ZKSCAN7: variants seen among roughly 807,000 people sequenced by gnomAD.
The protein encoded by ZKSCAN7 is zinc finger protein with KRAB and SCAN domains 7.
A neutral mutation model predicts 65.3 loss-of-function variants in ZKSCAN7; 38 were observed. The observed-to-expected ratio is 0.58, with a 90% CI of 0.45 to 0.76. ZKSCAN7 has a LOEUF of 0.76. Ranked by LOEUF, ZKSCAN7 falls within the 30% of genes least tolerant of loss-of-function variation. The pLI is 0.00. For synonymous variants in ZKSCAN7, 321 were observed against 321.0 expected (o/e 1.00, Z 0.00); for missense variants, 815 against 913.3 (o/e 0.89, Z 1.39).
chr3:44,581,796 C>T (rs994562926), intron 5 of ZKSCAN7, among the ~76,000 whole-genome samples: 3 of 152,186 alleles, frequency 2.0e-5, no homozygotes, highest in Admixed American at 6.5e-5. Flanking sequence ...CAGCCAAACC[C>T]TTATCATAAA....
At chr3:44,579,125 T>A (rs1168946173) in intron 5 of ZKSCAN7, among the ~76,000 whole-genome samples, 1 of 151,912 alleles carries the variant, frequency 6.6e-6, no homozygotes, top group Non-Finnish European at 1.5e-5. Context: ...CCACCGCTGC[T>A]CGATCTCCAC....
chr3:44,562,546 G>A (rs1699505333), intron 2 of ZKSCAN7, among the ~76,000 whole-genome samples: 1 of 152,114 alleles, frequency 6.6e-6, no homozygotes, highest in African/African-American at 2.4e-5. Flanking sequence ...CCACATGGCC[G>A]GGCTACAAAT....
chr3:44,569,094 T>C (rs945152301), intron 5 of ZKSCAN7, among the ~76,000 whole-genome samples: 1 of 152,252 alleles, frequency 6.6e-6, no homozygotes, highest in Non-Finnish European at 1.5e-5. Flanking sequence ...AGATGGACTT[T>C]CATTGCTATA....
In ZKSCAN7 at chr3:44,571,032, G is replaced by A. The variant is rs747931760; in HGVS notation, c.1922G>A (p.Gly641Glu). 6.2e-7 allele frequency: 1 copy of A among 1,614,180 alleles called. No individual in the cohort carries two copies. Among genetic ancestry groups the A allele is most frequent in the South Asian group, 1.1e-5 (1 of 91,082 alleles). ...AAGCCCTATAAATGCAATGAGTGTG[G>A]AAAATCCTTCAATCAAAACTCACAC... ...GEKPYKCNECGKSFNQNSHLI... is the reference protein window; with the variant it reads ...GEKPYKCNECEKSFNQNSHLI... Residue 641 changes from glycine (G) to glutamate (E), a missense_variant, in exon 6 of 6, where the codon GGA becomes GAA. Transcript: ENST00000426540.
chr3:44,572,323 C>T (rs1316737077), downstream of ZKSCAN7, among the ~76,000 whole-genome samples: 1 of 150,164 alleles, frequency 6.7e-6, no homozygotes, highest in Non-Finnish European at 1.5e-5. Context: ...ACTGTTACTT[C>T]AGCCTCAAAA....
chr3:44,557,117 C>T lies in ZKSCAN7; in HGVS notation c.70C>T (p.Arg24Cys), dbSNP rs35696191. Residue 24 changes from arginine to cysteine, a missense_variant, in exon 2 of 6, where the codon CGC (arginine) becomes TGC (cysteine). Arg to Cys is a radical substitution (Grantham distance 180). Around this residue, in one of 3 missense-constraint regions of ZKSCAN7, gnomAD observed 227 missense variants for 253.3 expected, o/e 0.90. Coordinates refer to ENST00000426540, the MANE Select transcript of ZKSCAN7 (RefSeq NM_001288590.2). ...RSTAFQKQEG[R>C]LTVKQEPANQ... ...CACTGCTTTCCAGAAGCAAGAGGGG[C>T]GCCTGACTGTGAAGCAGGAGCCAGC... The T allele has an allele frequency of 7.9e-4, 1,279 of 1,614,236 alleles. 4 individuals carry two copies. The African/African-American group carries it at 0.013, about 17-fold the overall frequency.
In ZKSCAN7 at chr3:44,555,328, G is replaced by A. The variant is rs1326208083; in HGVS notation, c.-272G>A. 6.6e-6 allele frequency: 1 copy of A among 152,250 alleles called. No homozygotes were observed. Among genetic ancestry groups the A allele is most frequent in the Non-Finnish European group, 1.5e-5 (1 of 68,050 alleles). The allele number at this position is 152,250 out of a possible 1,614,324, so 9.4% of individuals were successfully genotyped here. On this transcript the variant is annotated 5_prime_UTR_variant, in exon 1 of 6. Coordinates refer to ENST00000426540, the MANE Select transcript of ZKSCAN7 (RefSeq NM_001288590.2). ...CGGGTCGCCGACGCTGGCCAGGACCGCGCTTCTTCCCGGCGGCAGGCGGCG... is the reference window on the plus strand; with the variant it reads ...CGGGTCGCCGACGCTGGCCAGGACCACGCTTCTTCCCGGCGGCAGGCGGCG...
At chr3:44,562,628 T>G (rs1034882363) in intron 2 of ZKSCAN7, among the ~76,000 whole-genome samples, 1 of 152,234 alleles carries the variant, frequency 6.6e-6, no homozygotes, top group Non-Finnish European at 1.5e-5. Flanking sequence ...TTCACAAATA[T>G]GAGTGGACAC....
At chr3:44,573,161 T>C (rs927207844), downstream of ZKSCAN7, among the ~76,000 whole-genome samples, 1 of 152,256 alleles carries the variant, frequency 6.6e-6, no homozygotes, top group African/African-American at 2.4e-5. Flanking sequence ...AGATTTTCTG[T>C]CCTTCTGCCA....
chr3:44,580,327 G>T (rs916366192), intron 5 of ZKSCAN7: 1 of 1,612,766 alleles, frequency 6.2e-7, no homozygotes, highest in African/African-American at 1.3e-5. Context: ...CCAGGTTCCC[G>T]CAGGGAGCTG....
In ZKSCAN7 at chr3:44,571,135, C is replaced by T. The variant is rs1575376269; in HGVS notation, c.2025C>T (p.Ser675=). The change falls in exon 6 of 6, where the codon AGC becomes AGT. Residue 675 remains serine, a synonymous_variant. Coordinates refer to ENST00000426540, the MANE Select transcript of ZKSCAN7 (RefSeq NM_001288590.2). ...AGTGTGGGAAGGTATTCAGTTATAG[C>T]TCCAGCCTTATGGTACATCAGAGAA... ...CNECGKVFSY[S]SSLMVHQRTH... 3 of 1,613,956 alleles carry T rather than the reference C, an allele frequency of 1.9e-6. No homozygotes were observed. The highest frequency in any genetic ancestry group is 2.2e-5 in the East Asian group (1 of 44,860).
chr3:44,564,041 G>A (rs1195232714), intron 2 of ZKSCAN7, among the ~76,000 whole-genome samples: 1 of 152,208 alleles, frequency 6.6e-6, no homozygotes, highest in African/African-American at 2.4e-5. Flanking sequence ...GGTGAATCCT[G>A]TGTGGTTTAT....
rs559699969 is a variant in ZKSCAN7 at position 44,569,572 on chromosome 3, G to A, written c.812-350G>A. Among the ~76,000 whole-genome samples, 13 of 152,234 alleles carry A rather than the reference G, an allele frequency of 8.5e-5. No individual in the cohort carries two copies. In the South Asian group the frequency reaches 2.3e-3, roughly 27 times the overall value. On this transcript the variant is annotated intron_variant, in intron 5 of 5. Coordinates refer to ENST00000426540, the MANE Select transcript of ZKSCAN7 (RefSeq NM_001288590.2). Reference sequence around the variant, plus strand: ...AATGTTATGGTTGGAAGGGATCTTAGAGTTCATCACTTTACTAAGGAGACA... The same window carrying A: ...AATGTTATGGTTGGAAGGGATCTTAAAGTTCATCACTTTACTAAGGAGACA...
intron 5 of ZKSCAN7, chr3:44,579,877 C>T: frequency 6.2e-7 from 1 of 1,609,476 alleles, no homozygotes; most frequent in Non-Finnish European, 8.5e-7. Flanking sequence ...TGAAATTCAG[C>T]AGGTCGGGCG....
Position 44,571,638 on chromosome 3 carries a change from T to G in ZKSCAN7, c.*263T>G. 7.6e-7 allele frequency: 1 copy of G among 1,309,706 alleles called. No individual in the cohort carries two copies. Among genetic ancestry groups the G allele is most frequent in the African/African-American group, 1.5e-5 (1 of 67,422 alleles). 81.1% of individuals were successfully genotyped at this position (1,309,706 alleles called of 1,614,324 possible). A position where few individuals can be genotyped will look rare whatever the true frequency, so the allele number is the denominator to read the frequency against. On this transcript the variant is annotated 3_prime_UTR_variant, in exon 6 of 6. Transcript: ENST00000426540. ...TAAATTTTAACTTTTAAAATCTATT[T>G]CATTTCTTAGTTATGCATCTCATAA...
chr3:44,568,369 A>G lies in ZKSCAN7; in HGVS notation c.747A>G (p.Thr249=). The change falls in exon 5 of 6, where the codon ACA becomes ACG. Residue 249 remains threonine (T), a synonymous_variant. Transcript: ENST00000426540. The part of the protein sequence containing the change: ...DYTQKKWKSL[T]LSQRALQWNM... The stretch of plus-strand genomic sequence containing the variant: ...CTCAGAAGAAATGGAAAAGTCTCAC[A>G]CTCAGTCAGAGAGCCCTGCAGTGGA... The G allele has an allele frequency of 6.2e-7, 1 of 1,614,110 alleles. No homozygotes were observed. The highest frequency in any genetic ancestry group is 8.5e-7 in the Non-Finnish European group (1 of 1,180,010).
intron 2 of ZKSCAN7, among the ~76,000 whole-genome samples, chr3:44,563,161 G>C (rs1468996375): frequency 6.6e-6 from 1 of 152,118 alleles, no homozygotes; most frequent in Non-Finnish European, 1.5e-5. Context: ...CCTCAGCCTG[G>C]ATTTCATTAT....
rs1342155557 is a variant in ZKSCAN7, at chr3:44,569,817, T to C, written c.812-105T>C. 2.8e-6 allele frequency: 4 copies of C among 1,424,358 alleles called. No individual in the cohort carries two copies. In the African/African-American group the frequency reaches 4.3e-5, roughly 15 times the overall value. 88.2% of individuals were successfully genotyped at this position (1,424,358 alleles called of 1,614,324 possible). A position where few individuals can be genotyped will look rare whatever the true frequency, so the allele number is the denominator to read the frequency against. On this transcript the variant is annotated intron_variant, in intron 5 of 5. Transcript: ENST00000426540. ...TGTTCTCAATGTGTCATCTCATTTC[T>C]TAACCATAATGTGACTTTTTTTCAG... is the stretch of plus-strand genomic sequence containing the variant.
At chr3:44,564,245 G>A (rs1330589613) in intron 2 of ZKSCAN7, among the ~76,000 whole-genome samples, 1 of 152,152 alleles carries the variant, frequency 6.6e-6, no homozygotes, top group African/African-American at 2.4e-5. Flanking sequence ...TATGTTCTGA[G>A]GTATTCTCAA....
Sources: gnomAD v4.1 joint callset for allele counts (sites outside exome capture counted in the v4.1 genomes callset) on GRCh38, gnomAD v4.1.1 for gene constraint, gnomAD v4.1.1 regional missense constraint, MANE v1.5 for transcripts, NCBI Gene and HGNC (gene_info 2026-07-23, HGNC 2026-07-21) for gene names.